CNTN4: variants seen among roughly 807,000 people sequenced by gnomAD.
CNTN4 encodes contactin-4.
In CNTN4, 77 loss-of-function variants were observed where a neutral mutation model predicts 122.5. The observed-to-expected ratio is 0.63, with a 90% CI of 0.52 to 0.76. The LOEUF is 0.76. Ranked by LOEUF, CNTN4 falls within the 30% of genes least tolerant of loss-of-function variation. The probability of loss-of-function intolerance (pLI) is 0.00; values close to 1 mark genes in which losing one functional copy is unlikely to be tolerated. For missense variants in CNTN4, 1,256 were observed against 1,259.1 expected (o/e 1.00, Z 0.04); for synonymous variants, 512 against 447.0 (o/e 1.15, Z -1.83).
intron 3 of CNTN4, among the ~76,000 whole-genome samples, chr3:2,417,596 C>T (rs1364526699): frequency 6.6e-6 from 1 of 152,152 alleles, no homozygotes; most frequent in Admixed American, 6.5e-5. Context: ...ACTAAACATC[C>T]TCTTATGATA....
intron 4 of CNTN4, among the ~76,000 whole-genome samples, chr3:2,604,767 C>T (rs950910355): frequency 5.3e-5 from 8 of 152,082 alleles, no homozygotes; most frequent in African/African-American, 1.7e-4. Context: ...CCCATGAAAC[C>T]ATCATCACAA....
At chr3:2,573,989 G>T (rs1385568517) in intron 4 of CNTN4, among the ~76,000 whole-genome samples, 1 of 152,118 alleles carries the variant, frequency 6.6e-6, no homozygotes, top group African/African-American at 2.4e-5. Context: ...GGCCGAGGTG[G>T]GTGGATAACC....
At position 2,314,262 on chromosome 3, in the gene CNTN4, G is replaced by GTA. The variant is rs1169122565; in HGVS notation, c.-144-24908_-144-24907dup. On this transcript the variant is annotated intron_variant, in intron 2 of 24. Transcript: ENST00000418658. ...TAGTTTCATGCACACACATACATAT[G>GTA]TATATATATTAGAATTCTAAAATTA... 6.6e-5 allele frequency among the ~76,000 whole-genome samples: 10 copies of GTA among 152,002 alleles called. 1 individual carries two copies. Among genetic ancestry groups the GTA allele is most frequent in the Middle Eastern group, 6.8e-3 (2 of 292 alleles).
At chr3:2,870,378 A>G (rs1344460007) in intron 8 of CNTN4, among the ~76,000 whole-genome samples, 1 of 152,196 alleles carries the variant, frequency 6.6e-6, no homozygotes, top group East Asian at 1.9e-4. Flanking sequence ...TGTCTTTTCC[A>G]TTTACACTGG....
intron 3 of CNTN4, among the ~76,000 whole-genome samples, chr3:2,390,768 C>T (rs549645667): frequency 1.5e-4 from 23 of 152,148 alleles, no homozygotes; most frequent in South Asian, 8.3e-4. Flanking sequence ...ACCATATAAC[C>T]GAGACTTCAT....
intron 10 of CNTN4, among the ~76,000 whole-genome samples, chr3:2,894,958 T>C (rs1015774336): frequency 6.6e-6 from 1 of 152,126 alleles, no homozygotes; most frequent in Non-Finnish European, 1.5e-5. Flanking sequence ...GTAAGAGATG[T>C]AGGTAAAATC....
intron 6 of CNTN4, among the ~76,000 whole-genome samples, chr3:2,807,850 T>C (rs2092507683): frequency 6.6e-6 from 1 of 152,224 alleles, no homozygotes; most frequent in Non-Finnish European, 1.5e-5. Flanking sequence ...CATCTGCCTC[T>C]CCTTGTAAAG....
intron 3 of CNTN4, among the ~76,000 whole-genome samples, chr3:2,347,348 C>T (rs1277144609): frequency 8.2e-6 from 1 of 121,356 alleles, no homozygotes; most frequent in Non-Finnish European, 1.8e-5. Context: ...CGTCATTTTT[C>T]CTCATATTCC....
intron 7 of CNTN4, among the ~76,000 whole-genome samples, chr3:2,857,041 A>G (rs751071172): frequency 6.6e-6 from 1 of 152,148 alleles, no homozygotes; most frequent in Non-Finnish European, 1.5e-5. Flanking sequence ...GTGAGACAAA[A>G]AACCTCTATG....
chr3:2,396,529 C>T (rs111433201), intron 3 of CNTN4, among the ~76,000 whole-genome samples: 6 of 152,216 alleles, frequency 3.9e-5, no homozygotes, highest in Middle Eastern at 3.4e-3. Context: ...TCCTCACGAG[C>T]CAGATCCTCA....
At chr3:2,681,519 C>T (rs2085164654) in intron 4 of CNTN4, among the ~76,000 whole-genome samples, 1 of 152,104 alleles carries the variant, frequency 6.6e-6, no homozygotes. Context: ...GTAGATGCCA[C>T]TCACTGGCCT....
intron 3 of CNTN4, chr3:2,511,359 C>T (rs1039642550): frequency 2.0e-5 from 3 of 152,316 alleles, no homozygotes; most frequent in South Asian, 2.1e-4. Flanking sequence ...AGGTTCGATG[C>T]GAGGAGAGCC....
chr3:2,809,451 C>T (rs2092551723), intron 6 of CNTN4, among the ~76,000 whole-genome samples: 1 of 152,128 alleles, frequency 6.6e-6, no homozygotes, highest in African/African-American at 2.4e-5. Flanking sequence ...AGGGAAGTGG[C>T]AGGGAGCAAA....
At chr3:2,117,192 G>A (rs979235699) in intron 2 of CNTN4, among the ~76,000 whole-genome samples, 1 of 152,168 alleles carries the variant, frequency 6.6e-6, no homozygotes, top group African/African-American at 2.4e-5. Flanking sequence ...ATAAATTGGT[G>A]TTCCCGCAAC....
At chr3:2,324,043 T>C (rs187851360) in intron 2 of CNTN4, among the ~76,000 whole-genome samples, 1 of 152,316 alleles carries the variant, frequency 6.6e-6, no homozygotes, top group South Asian at 2.1e-4. Flanking sequence ...CTGTTCATTA[T>C]AGGATATTTA....
At chr3:2,439,710 C>G (rs528680987) in intron 3 of CNTN4, among the ~76,000 whole-genome samples, 2 of 151,812 alleles carry the variant, frequency 1.3e-5, no homozygotes, top group African/African-American at 2.4e-5. Context: ...GCTTGGATAG[C>G]TAAGGGAAAG....
chr3:2,193,902 T>C (rs1469046782), intron 2 of CNTN4, among the ~76,000 whole-genome samples: 1 of 152,168 alleles, frequency 6.6e-6, no homozygotes, highest in Admixed American at 6.5e-5. Flanking sequence ...CTAGCCTAGG[T>C]GTGTAGTAGG....
intron 2 of CNTN4, among the ~76,000 whole-genome samples, chr3:2,306,491 C>CT (rs2042710017): frequency 6.6e-6 from 1 of 151,864 alleles, no homozygotes; most frequent in Non-Finnish European, 1.5e-5. Context: ...TTAACTGGGT[C>CT]TTTTTTCAAT....
At chr3:2,360,544 C>T (rs1052786438) in intron 3 of CNTN4, among the ~76,000 whole-genome samples, 6 of 152,060 alleles carry the variant, frequency 3.9e-5, no homozygotes, top group Admixed American at 6.6e-5. Context: ...AAGAACTTCC[C>T]GAGACTGGGT....
Sources: gnomAD v4.1 joint callset for allele counts (sites outside exome capture counted in the v4.1 genomes callset) on GRCh38, gnomAD v4.1.1 for gene constraint, MANE v1.5 for transcripts, NCBI Gene and HGNC (gene_info 2026-07-23, HGNC 2026-07-21) for gene names.